The following RNLS variants were observed in gnomAD, a reference collection of about 807,000 sequenced individuals.
The protein encoded by RNLS is renalase, FAD dependent amine oxidase.
In RNLS, 39 loss-of-function variants were observed where a neutral mutation model predicts 39.8. The observed-to-expected ratio is 0.98, with a 90% CI of 0.76 to 1.28. The LOEUF (loss-of-function observed/expected upper bound fraction) is 1.28. RNLS is among the 50% of genes most tolerant of loss of function. RNLS has a pLI of 0.00. For synonymous variants in RNLS, 147 were observed against 150.7 expected (o/e 0.98, Z 0.18); for missense variants, 410 against 413.3 (o/e 0.99, Z 0.07).
intron 4 of RNLS, among the ~76,000 whole-genome samples, chr10:88,548,734 C>T (rs1173240994): frequency 6.8e-6 from 1 of 147,156 alleles, no homozygotes; most frequent in East Asian, 2.0e-4. Flanking sequence ...ATATATATGG[C>T]CATATATTTG....
the RNLS span, among the ~76,000 whole-genome samples, chr10:88,266,260 T>C: frequency 6.6e-6 from 1 of 152,100 alleles, no homozygotes; most frequent in Non-Finnish European, 1.5e-5. Flanking sequence ...CCTGAGAAGA[T>C]GAATGCTGGA....
chr10:88,329,012 C>T (rs1010276128), intron 5 of RNLS, among the ~76,000 whole-genome samples: 4 of 151,488 alleles, frequency 2.6e-5, no homozygotes, highest in African/African-American at 9.7e-5. Flanking sequence ...TTTCTCAAGA[C>T]TTTAAAGATA....
the RNLS span, among the ~76,000 whole-genome samples, chr10:88,262,241 A>G: frequency 3.9e-5 from 6 of 152,264 alleles, no homozygotes; most frequent in Middle Eastern, 0.02. Context: ...TGTGTCTTTA[A>G]CAATGAGAGC....
chr10:88,459,708 G>A (rs1343010594), intron 4 of RNLS, among the ~76,000 whole-genome samples: 3 of 152,090 alleles, frequency 2.0e-5, no homozygotes, highest in East Asian at 1.9e-4. Context: ...CACTGGCGAC[G>A]GACAATGTGA....
At chr10:88,504,360 A>T (rs555738359) in intron 4 of RNLS, among the ~76,000 whole-genome samples, 6 of 152,136 alleles carry the variant, frequency 3.9e-5, no homozygotes, top group South Asian at 2.1e-4. Flanking sequence ...TCTTTTTTTT[A>T]AAAAAAGGTG....
At chr10:88,183,248 T>C in the RNLS span, among the ~76,000 whole-genome samples, 1 of 152,120 alleles carries the variant, frequency 6.6e-6, no homozygotes, top group Non-Finnish European at 1.5e-5. Context: ...AATGAATTAA[T>C]GAATAAAGCA....
At chr10:88,469,964 T>C (rs1038092043) in intron 4 of RNLS, among the ~76,000 whole-genome samples, 2 of 151,680 alleles carry the variant, frequency 1.3e-5, no homozygotes, top group Non-Finnish European at 2.9e-5. Flanking sequence ...CATATACATA[T>C]GTATATCTCA....
intron 4 of RNLS, among the ~76,000 whole-genome samples, chr10:88,478,640 A>G (rs541389907): frequency 6.6e-5 from 10 of 152,266 alleles, no homozygotes; most frequent in Non-Finnish European, 1.5e-4. Context: ...CACAGGGCTT[A>G]TCCATCCTCA....
chr10:88,365,394 T>C (rs1411696673), intron 4 of RNLS, among the ~76,000 whole-genome samples: 5 of 151,968 alleles, frequency 3.3e-5, no homozygotes, highest in African/African-American at 1.2e-4. Flanking sequence ...TTCTTTCTTA[T>C]CATGTTTTCA....
intron 4 of RNLS, among the ~76,000 whole-genome samples, chr10:88,455,231 G>A (rs1293769166): frequency 6.6e-6 from 1 of 150,842 alleles, no homozygotes; most frequent in Non-Finnish European, 1.5e-5. Flanking sequence ...TCTCTTGCAG[G>A]TTGATTGGAA....
chr10:88,487,014 T>C (rs1844566634), intron 4 of RNLS, among the ~76,000 whole-genome samples: 1 of 152,166 alleles, frequency 6.6e-6, no homozygotes, highest in Non-Finnish European at 1.5e-5. Context: ...CACAATGGAA[T>C]ACAATGCAGC....
At chr10:88,311,572 C>T (rs1488858422) in intron 6 of RNLS, among the ~76,000 whole-genome samples, 8 of 152,128 alleles carry the variant, frequency 5.3e-5, no homozygotes, top group Admixed American at 2.6e-4. Context: ...TTTCAAAAAA[C>T]GCCTTCTTTC....
At chr10:88,378,801 G>T (rs1395277545) in intron 4 of RNLS, among the ~76,000 whole-genome samples, 2 of 152,050 alleles carry the variant, frequency 1.3e-5, no homozygotes, top group African/African-American at 2.4e-5. Flanking sequence ...CATTCTAAAG[G>T]CTCCCAAGTC....
chr10:88,267,317 C>T, the RNLS span, among the ~76,000 whole-genome samples: 1 of 152,206 alleles, frequency 6.6e-6, no homozygotes, highest in Non-Finnish European at 1.5e-5. Context: ...TGGCTCACAT[C>T]TGCAATCACA....
chr10:88,313,948 A>T (rs1367357070), intron 6 of RNLS, among the ~76,000 whole-genome samples: 2 of 152,236 alleles, frequency 1.3e-5, no homozygotes, highest in Non-Finnish European at 2.9e-5. Context: ...CCTGAAAAAC[A>T]GCTCAACTAG....
chr10:88,246,577 A>G, the RNLS span, among the ~76,000 whole-genome samples: 2 of 151,628 alleles, frequency 1.3e-5, no homozygotes, highest in Non-Finnish European at 2.9e-5. Context: ...TCCAGTGTGT[A>G]ATGTAGGTAA....
At chr10:88,531,325 C>T (rs1343034080) in intron 4 of RNLS, among the ~76,000 whole-genome samples, 2 of 148,058 alleles carry the variant, frequency 1.4e-5, no homozygotes, top group Admixed American at 6.7e-5. Flanking sequence ...AAAAAAAAGG[C>T]AACTATAAGG....
chr10:88,194,530 A>G, the RNLS span, among the ~76,000 whole-genome samples: 1 of 152,234 alleles, frequency 6.6e-6, no homozygotes, highest in East Asian at 1.9e-4. Flanking sequence ...GAAAAGCAAG[A>G]ATAGGTCATG....
chr10:88,296,068 A>C (rs1844075806), intron 6 of RNLS, among the ~76,000 whole-genome samples: 1 of 152,218 alleles, frequency 6.6e-6, no homozygotes, highest in Admixed American at 6.5e-5. Flanking sequence ...TTCATTCATT[A>C]ATTCTTCAAA....
Sources: allele counts gnomAD v4.1 joint callset (sites outside exome capture counted in the v4.1 genomes callset), GRCh38; gene constraint gnomAD v4.1.1; transcripts MANE v1.5; gene names NCBI Gene and HGNC (gene_info 2026-07-23, HGNC 2026-07-21).